Variants in C12orf42 observed in about 807,000 individuals in gnomAD.
The protein encoded by C12orf42 is chromosome 12 open reading frame 42, also known as uncharacterized protein C12orf42.
A neutral mutation model predicts 21.6 loss-of-function variants in C12orf42; 25 were observed. That is an observed-to-expected ratio of 1.16 (90% CI 0.84 to 1.62). The LOEUF (loss-of-function observed/expected upper bound fraction) is 1.62, where lower values mean the gene tolerates loss of function less well. C12orf42 is among the 40% of genes most tolerant of loss of function. The probability of loss-of-function intolerance (pLI) is 0.00; values close to 1 mark genes in which losing one functional copy is unlikely to be tolerated. For synonymous variants in C12orf42, 174 were observed against 175.0 expected (o/e 0.99, Z 0.05); for missense variants, 483 against 459.3 (o/e 1.05, Z -0.47).
chr12:103,475,143 T>C (rs1953946898), intron 2 of C12orf42, among the ~76,000 whole-genome samples: 1 of 152,188 alleles, frequency 6.6e-6, no homozygotes, highest in Non-Finnish European at 1.5e-5. Flanking sequence ...ACAATTGTTT[T>C]CTATAGAGAC....
chr12:103,440,778 A>G (rs1286787137), intron 2 of C12orf42, among the ~76,000 whole-genome samples: 1 of 152,146 alleles, frequency 6.6e-6, no homozygotes, highest in Non-Finnish European at 1.5e-5. Flanking sequence ...GGAGAATTAC[A>G]ATGTACAGTA....
chr12:103,330,869 A>T (rs2041183305), intron 4 of C12orf42, among the ~76,000 whole-genome samples: 1 of 152,244 alleles, frequency 6.6e-6, no homozygotes. Context: ...GTTCTAACAC[A>T]CAGCAAATAC....
At chr12:103,392,293 G>A (rs2047149372) in intron 3 of C12orf42, among the ~76,000 whole-genome samples, 2 of 152,016 alleles carry the variant, frequency 1.3e-5, no homozygotes, top group Admixed American at 1.3e-4. Flanking sequence ...GATTGTTTTG[G>A]TTATTTGGGA....
At chr12:103,163,788 A>T in the C12orf42 span, among the ~76,000 whole-genome samples, 1 of 152,144 alleles carries the variant, frequency 6.6e-6, no homozygotes, top group Non-Finnish European at 1.5e-5. Context: ...TAGCTCTCTG[A>T]GCCTCAGTTT....
chr12:103,064,719 G>C, the C12orf42 span, among the ~76,000 whole-genome samples: 16 of 152,138 alleles, frequency 1.1e-4, no homozygotes, highest in Non-Finnish European at 1.9e-4. Flanking sequence ...GGAGACCTTT[G>C]GCCTTTTACC....
At chr12:103,341,540 C>T (rs940249211) in intron 4 of C12orf42, among the ~76,000 whole-genome samples, 1 of 151,858 alleles carries the variant, frequency 6.6e-6, no homozygotes, top group African/African-American at 2.4e-5. Flanking sequence ...CATAAAATAT[C>T]GATTAATACA....
chr12:103,277,416 C>T (rs950463794), intron 4 of C12orf42, among the ~76,000 whole-genome samples: 1 of 152,052 alleles, frequency 6.6e-6, no homozygotes, highest in African/African-American at 2.4e-5. Flanking sequence ...GTATCTGCTT[C>T]TGCATTATGG....
At chr12:103,385,590 A>C (rs1258820895) in intron 3 of C12orf42, among the ~76,000 whole-genome samples, 1 of 152,130 alleles carries the variant, frequency 6.6e-6, no homozygotes, top group East Asian at 1.9e-4. Flanking sequence ...AATGTTTTTA[A>C]ATGGTAATAA....
chr12:103,454,497 T>C (rs12825882), intron 2 of C12orf42, among the ~76,000 whole-genome samples: 23,554 of 152,076 alleles, frequency 0.15, 1,972 homozygotes, highest in African/African-American at 0.22. Flanking sequence ...TCTTCCCTAT[T>C]CCCACCAGCC....
chr12:103,295,338 G>A (rs573079313), intron 4 of C12orf42, among the ~76,000 whole-genome samples: 18 of 152,068 alleles, frequency 1.2e-4, no homozygotes, highest in African/African-American at 3.9e-4. Flanking sequence ...ACATGGCATC[G>A]TGTACCCCAA....
chr12:103,459,826 C>T (rs1317133268), intron 2 of C12orf42, among the ~76,000 whole-genome samples: 2 of 152,282 alleles, frequency 1.3e-5, no homozygotes, highest in South Asian at 2.1e-4. Context: ...TTGACATTGG[C>T]TTTGCTCTAC....
chr12:103,443,822 G>A (rs1592839602), intron 2 of C12orf42, among the ~76,000 whole-genome samples: 1 of 152,066 alleles, frequency 6.6e-6, no homozygotes, highest in African/African-American at 2.4e-5. Context: ...TTTCTTCAAG[G>A]CATAGAAAGA....
At chr12:103,549,100 C>T in the C12orf42 span, 1 of 152,206 alleles carries the variant, frequency 6.6e-6, no homozygotes, top group African/African-American at 2.4e-5. Context: ...ACTGTTCAGA[C>T]TTTATGAGCT....
At chr12:103,214,477 G>T in the C12orf42 span, among the ~76,000 whole-genome samples, 4 of 152,234 alleles carry the variant, frequency 2.6e-5, no homozygotes, top group South Asian at 8.3e-4. Flanking sequence ...CACTTTAGTG[G>T]GACCAGCTCA....
the C12orf42 span, among the ~76,000 whole-genome samples, chr12:103,230,613 G>T: frequency 6.6e-6 from 1 of 152,160 alleles, no homozygotes; most frequent in Non-Finnish European, 1.5e-5. Context: ...ATTTGACAAG[G>T]CCTCTTGTCT....
intron 3 of C12orf42, among the ~76,000 whole-genome samples, chr12:103,391,171 A>C (rs564282116): frequency 6.6e-6 from 1 of 152,164 alleles, no homozygotes; most frequent in African/African-American, 2.4e-5. Context: ...TTATATATAT[A>C]TATATATTTA....
chr12:103,209,758 T>C, the C12orf42 span, among the ~76,000 whole-genome samples: 4 of 152,174 alleles, frequency 2.6e-5, no homozygotes, highest in African/African-American at 9.6e-5. Flanking sequence ...CTCTTCCTCA[T>C]TGTGCATGGC....
At chr12:103,166,986 T>C in the C12orf42 span, among the ~76,000 whole-genome samples, 96 of 152,360 alleles carry the variant, frequency 6.3e-4, no homozygotes, top group African/African-American at 2.1e-3. Flanking sequence ...TTGATATTTC[T>C]AGTCCTAAAT....
In C12orf42 at chr12:103,294,490, A is replaced by AAGC. The variant is rs1566025590; in HGVS notation, n.338-17281_338-17280insGCT. On this transcript the variant is annotated intron_variant and non_coding_transcript_variant, in intron 4 of 6. Transcript: ENST00000546526. Reference sequence around the variant, plus strand: ...AGAAAGAAATAAGCAAGCAAGCAAGAAAGAAAGAAAGAAAGAAAAAGAAAG... The same window carrying AAGC: ...AGAAAGAAATAAGCAAGCAAGCAAGAAGCAAGAAAGAAAGAAAGAAAAAGAAAG... 7.5e-4 allele frequency among the ~76,000 whole-genome samples: 61 copies of AAGC among 81,832 alleles called. No individual in the cohort carries two copies. The South Asian group carries it at 0.013, about 17-fold the overall frequency. 53.7% of individuals were successfully genotyped at this position (81,832 alleles called of 152,430 possible). A position where few individuals can be genotyped will look rare whatever the true frequency, so the allele number is the denominator to read the frequency against.
Sources: allele counts gnomAD v4.1 joint callset (sites outside exome capture counted in the v4.1 genomes callset), GRCh38; gene constraint gnomAD v4.1.1; transcripts MANE v1.5; gene names NCBI Gene and HGNC (gene_info 2026-07-23, HGNC 2026-07-21).